FBXL20: variants seen among roughly 807,000 people sequenced by gnomAD.
The protein encoded by FBXL20 is F-box and leucine rich repeat protein 20.
A neutral mutation model predicts 64.0 loss-of-function variants in FBXL20; 11 were observed. The ratio of observed to expected loss-of-function variants is 0.17; its 90% CI spans 0.11 to 0.28. The LOEUF is 0.28. Ranked by LOEUF, FBXL20 falls within the 10% of genes least tolerant of loss-of-function variation. The pLI, the probability that FBXL20 is intolerant of heterozygous loss-of-function variation, is 1.00. For missense variants in FBXL20, 303 were observed against 526.2 expected, an observed-to-expected ratio of 0.58 and a Z score of 4.15; for synonymous variants, 184 against 189.0, an observed-to-expected ratio of 0.97 and a Z score of 0.22.
Position 39,401,356 on chromosome 17 carries a change from C to T in FBXL20, c.42+5G>A. ...TCACGCCGCCCGAGCCCCCCAAGCT[C>T]ACACCTCAAACCTGCTCTTGGTCAC... On this transcript the variant is annotated splice_donor_5th_base_variant and intron_variant, in intron 1 of 14. Transcript: ENST00000264658. 1 of 1,613,092 alleles carries T rather than the reference C, an allele frequency of 6.2e-7. No individual in the cohort carries two copies. The highest frequency in any genetic ancestry group is 1.1e-5 in the South Asian group (1 of 91,044).
intron 1 of FBXL20, among the ~76,000 whole-genome samples, chr17:39,377,253 A>G (rs1485096435): frequency 6.6e-6 from 1 of 151,582 alleles, no homozygotes; most frequent in Non-Finnish European, 1.5e-5. Flanking sequence ...CTGATCTTGG[A>G]GCCCCCACCC....
At chr17:39,304,810 C>T (rs1476676454) in intron 2 of FBXL20, among the ~76,000 whole-genome samples, 3 of 151,660 alleles carry the variant, frequency 2.0e-5, no homozygotes, top group African/African-American at 7.3e-5. Flanking sequence ...TTGAGAGAGA[C>T]TCACCCGGCT....
intron 1 of FBXL20, among the ~76,000 whole-genome samples, chr17:39,345,536 G>T (rs1458234493): frequency 6.8e-6 from 1 of 146,658 alleles, no homozygotes; most frequent in Non-Finnish European, 1.5e-5. Context: ...TTCATTTAAA[G>T]AATAATTTTA....
intron 1 of FBXL20, among the ~76,000 whole-genome samples, chr17:39,399,157 C>G (rs2048216476): frequency 6.6e-6 from 1 of 152,090 alleles, no homozygotes; most frequent in East Asian, 1.9e-4. Flanking sequence ...TACGTAGCCA[C>G]AATTTGAAAT....
intron 1 of FBXL20, among the ~76,000 whole-genome samples, chr17:39,397,326 A>C (rs2048193901): frequency 6.6e-6 from 1 of 152,236 alleles, no homozygotes; most frequent in Admixed American, 6.5e-5. Flanking sequence ...AATGAAAAAC[A>C]ATAATGAACA....
chr17:39,282,762 AC>A lies in FBXL20; in HGVS notation c.587del (p.Gly196ValfsTer7). The part of the protein sequence containing the change: ...GIQALVRGCG[G>X]LKALFLKGCT... ...AGCCTTTTAAGAATAAGGCCTTGAG[AC>A]CCCCACAGCCCCTCACTAGTGCTTG... On this transcript the variant is annotated frameshift_variant, in exon 8 of 15. Coordinates refer to ENST00000264658, the MANE Select transcript of FBXL20 (RefSeq NM_032875.3). LOFTEE classifies it high-confidence loss of function. The A allele has an allele frequency of 6.2e-7, 1 of 1,613,822 alleles. No individual in the cohort carries two copies. Among genetic ancestry groups the A allele is most frequent in the Non-Finnish European group, 8.5e-7 (1 of 1,179,966 alleles).
In FBXL20 at chr17:39,394,478, C is replaced by T. The variant is rs1283679735; in HGVS notation, c.42+6883G>A. Among the ~76,000 whole-genome samples, 5 of 151,586 alleles carry T rather than the reference C, an allele frequency of 3.3e-5. No homozygotes were observed. The Admixed American group carries it at 3.3e-4, about 10-fold the overall frequency. On this transcript the variant is annotated intron_variant, in intron 1 of 14. Coordinates refer to ENST00000264658, the MANE Select transcript of FBXL20 (RefSeq NM_032875.3). ...ATTTTTAGTAGAGATGGGGTTTCAC[C>T]GTGTTAGCCAGGATGGTCTCGATCT...
chr17:39,381,479 C>CAA lies in FBXL20; in HGVS notation c.42+19880_42+19881dup, dbSNP rs35767863. 2.2e-3 allele frequency among the ~76,000 whole-genome samples: 148 copies of CAA among 67,628 alleles called. 1 individual carries two copies. Among genetic ancestry groups the CAA allele is most frequent in the Admixed American group, 3.9e-3 (23 of 5,962 alleles). The allele number at this position is 67,628 out of a possible 152,430, so 44.4% of individuals were successfully genotyped here. Reference sequence around the variant, plus strand: ...TGGGTAATACAGTGAGACTCTGTCTCAAAAAAAAAAAAAAAAAAAAGGCTG... The same window carrying CAA: ...TGGGTAATACAGTGAGACTCTGTCTCAAAAAAAAAAAAAAAAAAAAAAGGCTG... On this transcript the variant is annotated intron_variant, in intron 1 of 14. Coordinates refer to ENST00000264658, the MANE Select transcript of FBXL20 (RefSeq NM_032875.3).
chr17:39,268,039 T>C (rs1304983097), intron 12 of FBXL20, among the ~76,000 whole-genome samples: 4 of 152,200 alleles, frequency 2.6e-5, no homozygotes, highest in Non-Finnish European at 4.4e-5. Flanking sequence ...AAGTTTTTCC[T>C]TGGTCAATTA....
chr17:39,333,381 G>A (rs922142379), intron 2 of FBXL20, among the ~76,000 whole-genome samples: 6 of 152,334 alleles, frequency 3.9e-5, no homozygotes, highest in Non-Finnish European at 5.9e-5. Flanking sequence ...TCCTGACCGC[G>A]AGTGATCTGC....
chr17:39,337,061 A>G (rs1023094678), intron 2 of FBXL20, among the ~76,000 whole-genome samples: 1 of 150,888 alleles, frequency 6.6e-6, no homozygotes, highest in Non-Finnish European at 1.5e-5. Context: ...TACTGCTGCC[A>G]TCTCGGCTCA....
chr17:39,384,552 A>C (rs534361186), intron 1 of FBXL20, among the ~76,000 whole-genome samples: 8 of 151,640 alleles, frequency 5.3e-5, no homozygotes, highest in Non-Finnish European at 1.2e-4. Flanking sequence ...AAATATAATA[A>C]AATTTATATA....
chr17:39,333,761 C>T (rs1377847328), intron 2 of FBXL20, among the ~76,000 whole-genome samples: 11 of 151,890 alleles, frequency 7.2e-5, no homozygotes, highest in Non-Finnish European at 1.0e-4. Flanking sequence ...CCCGCCGCCC[C>T]GTCTGAGATG....
intron 2 of FBXL20, among the ~76,000 whole-genome samples, chr17:39,322,655 T>C (rs1242399033): frequency 6.6e-6 from 1 of 152,100 alleles, no homozygotes; most frequent in Non-Finnish European, 1.5e-5. Flanking sequence ...GTGAGAATTC[T>C]CTCTTTCAGA....
chr17:39,326,379 G>A (rs1411451000), intron 2 of FBXL20, among the ~76,000 whole-genome samples: 1 of 151,820 alleles, frequency 6.6e-6, no homozygotes, highest in Non-Finnish European at 1.5e-5. Flanking sequence ...AAAATTCTTG[G>A]TCAGGTACAG....
rs187482734 is a variant in FBXL20 at position 39,262,939 on chromosome 17, T to G, written c.1203+1236A>C. On this transcript the variant is annotated intron_variant, in intron 14 of 14. Transcript: ENST00000264658. ...ATAGCGTGAACCTGGGAGGCAGAGC[T>G]TGCAGTGAGCCAAGATCATGCCACT... 4.1e-4 allele frequency among the ~76,000 whole-genome samples: 63 copies of G among 152,018 alleles called. 1 individual carries two copies. In the East Asian group the frequency reaches 0.01, roughly 25 times the overall value.
At chr17:39,316,428 G>A (rs1355223706) in intron 2 of FBXL20, among the ~76,000 whole-genome samples, 1 of 152,002 alleles carries the variant, frequency 6.6e-6, no homozygotes, top group Non-Finnish European at 1.5e-5. Flanking sequence ...CTTTCTAGTA[G>A]AAGGAATCAG....
chr17:39,372,312 A>G (rs955298388), intron 1 of FBXL20, among the ~76,000 whole-genome samples: 1 of 151,730 alleles, frequency 6.6e-6, no homozygotes, highest in Non-Finnish European at 1.5e-5. Flanking sequence ...CAAGGTCAAG[A>G]GATGGAGACC....
intron 2 of FBXL20, among the ~76,000 whole-genome samples, chr17:39,310,666 C>A (rs567556904): frequency 6.6e-6 from 1 of 151,626 alleles, no homozygotes; most frequent in Non-Finnish European, 1.5e-5. Context: ...CTGGGCAACA[C>A]GGTGAGACCC....
Sources: gnomAD v4.1 joint callset for allele counts (sites outside exome capture counted in the v4.1 genomes callset) on GRCh38, gnomAD v4.1.1 for gene constraint, MANE v1.5 for transcripts, NCBI Gene and HGNC (gene_info 2026-07-23, HGNC 2026-07-21) for gene names.